Variants in DHX8 observed in about 807,000 individuals in gnomAD.
The protein encoded by DHX8 is DEAH-box helicase 8, also known as ATP-dependent RNA helicase DHX8.
Under a neutral mutation model 140.7 loss-of-function variants are expected in DHX8, and 67 were observed. The observed-to-expected ratio is 0.48, with a 90% CI of 0.39 to 0.58. The LOEUF is 0.58. DHX8 is among the 20% of genes least tolerant of loss of function. DHX8 has a pLI of 0.00. For synonymous variants in DHX8, 533 were observed against 553.2 expected (o/e 0.96, Z 0.51); for missense variants, 887 against 1,550.7 (o/e 0.57, Z 7.19).
chr17:43,489,469 G>A lies in DHX8; in HGVS notation c.169G>A (p.Ala57Thr). 6.2e-7 allele frequency: 1 copy of A among 1,612,536 alleles called. No individual in the cohort carries two copies. Among genetic ancestry groups the A allele is most frequent in the Non-Finnish European group, 8.5e-7 (1 of 1,178,966 alleles). The change falls in exon 2 of 23, where the codon GCT (alanine) becomes ACT (threonine). Residue 57 changes from alanine (A) to threonine (T), a missense_variant. Physicochemically the swap from Ala to Thr is moderately conservative, Grantham distance 58 (BLOSUM62 0). Coordinates refer to ENST00000262415, the MANE Select transcript of DHX8 (RefSeq NM_004941.3). ...KDLAEFVISL[A>T]EKNTTFDTFK... is the part of the protein sequence containing the mutation. ...TGCAGCTGAATTTGTGATCAGTCTTGCTGAGAAAAATACCACCTTTGATAC... is the reference window on the plus strand; with the variant it reads ...TGCAGCTGAATTTGTGATCAGTCTTACTGAGAAAAATACCACCTTTGATAC...
chr17:43,535,504 T>C (rs377741033), intron 2 of DHX8, among the ~76,000 whole-genome samples: 3 of 152,304 alleles, frequency 2.0e-5, no homozygotes, highest in African/African-American at 7.2e-5. Flanking sequence ...CTCAAACTCC[T>C]GACCTCATGT....
At chr17:43,533,392 G>A in intron 2 of DHX8, 1 of 1,569,736 alleles carries the variant, frequency 6.4e-7, no homozygotes, top group Non-Finnish European at 8.7e-7. Context: ...AGAGAAGCTG[G>A]AAAGCATCTT....
intron 9 of DHX8, among the ~76,000 whole-genome samples, chr17:43,498,394 G>A (rs1468866342): frequency 3.3e-5 from 5 of 151,572 alleles, no homozygotes; most frequent in African/African-American, 4.9e-5. Context: ...TGATCAGCCC[G>A]CCTTAGCCTC....
chr17:43,507,181 G>A lies in DHX8; in HGVS notation c.1907G>A (p.Cys636Tyr), dbSNP rs1427899618. The A allele has an allele frequency of 1.2e-6, 2 of 1,613,388 alleles. No homozygotes were observed. Among genetic ancestry groups the A allele is most frequent in the Non-Finnish European group, 1.7e-6 (2 of 1,179,678 alleles). ...VAKRVSEEFGCCLGQEVGYTI... is the reference protein window; with the variant it reads ...VAKRVSEEFGYCLGQEVGYTI... Reference sequence around the variant, plus strand: ...AAAAGAGTGTCAGAGGAGTTTGGTTGTTGCTTAGGCCAAGAGGTAAGTAGA... The same window carrying A: ...AAAAGAGTGTCAGAGGAGTTTGGTTATTGCTTAGGCCAAGAGGTAAGTAGA... Residue 636 changes from cysteine (C) to tyrosine (Y), a missense_variant, in exon 13 of 23, where the codon TGT (cysteine) becomes TAT (tyrosine). Coordinates refer to ENST00000262415, the MANE Select transcript of DHX8 (RefSeq NM_004941.3).
At chr17:43,511,396 A>T (rs1170245695) in intron 16 of DHX8, among the ~76,000 whole-genome samples, 1 of 147,416 alleles carries the variant, frequency 6.8e-6, no homozygotes, top group Non-Finnish European at 1.5e-5. Flanking sequence ...GCTGCTGTGA[A>T]CATTTGTTTA....
chr17:43,524,583 T>G lies in DHX8; in HGVS notation c.*736T>G. 1 of 985,552 alleles carries G rather than the reference T, an allele frequency of 1.0e-6. No homozygotes were observed. The highest frequency in any genetic ancestry group is 1.2e-6 in the Non-Finnish European group (1 of 830,046). The allele number at this position is 985,552 out of a possible 1,614,324, so 61.1% of individuals were successfully genotyped here. ...ATGTCCTCTCCACAGAGCACTTCAGTCTGGAGGCCTGAGTGGCTACAGATG... is the reference window on the plus strand; with the variant it reads ...ATGTCCTCTCCACAGAGCACTTCAGGCTGGAGGCCTGAGTGGCTACAGATG... On this transcript the variant is annotated 3_prime_UTR_variant, in exon 23 of 23. Coordinates refer to ENST00000262415, the MANE Select transcript of DHX8 (RefSeq NM_004941.3).
rs1365247210 is a variant in DHX8 at position 43,525,592 on chromosome 17, C to A, written c.*1745C>A. Reference sequence around the variant, plus strand: ...GACAGTACAGGGACCTCAAATGAAACCAAAGGGGAAACGGGGACTGGGCAC... The same window carrying A: ...GACAGTACAGGGACCTCAAATGAAAACAAAGGGGAAACGGGGACTGGGCAC... On this transcript the variant is annotated 3_prime_UTR_variant, in exon 23 of 23. Coordinates refer to ENST00000262415, the MANE Select transcript of DHX8 (RefSeq NM_004941.3). 1.0e-6 allele frequency: 1 copy of A among 985,374 alleles called. No homozygotes were observed. Among genetic ancestry groups the A allele is most frequent in the Non-Finnish European group, 1.2e-6 (1 of 830,038 alleles). 61.0% of individuals were successfully genotyped at this position (985,374 alleles called of 1,614,324 possible).
Position 43,492,873 on chromosome 17 carries a change from C to A in DHX8, c.696C>A (p.Pro232=). The A allele has an allele frequency of 1.2e-6, 2 of 1,614,204 alleles. No homozygotes were observed. Among genetic ancestry groups the A allele is most frequent in the Non-Finnish European group, 1.7e-6 (2 of 1,180,036 alleles). The change falls in exon 6 of 23, where the codon CCC becomes CCA. Residue 232 remains proline (P), a synonymous_variant. Coordinates refer to ENST00000262415, the MANE Select transcript of DHX8 (RefSeq NM_004941.3). ...CCAGGAGCAGGAGTCAGAGTCCCCCCAAAGACCGGAAGGACCGGGACAAAT... is the reference window on the plus strand; with the variant it reads ...CCAGGAGCAGGAGTCAGAGTCCCCCAAAAGACCGGAAGGACCGGGACAAAT... ...YRSRSRSQSP[P]KDRKDRDKYG...
intron 5 of DHX8, 58 bp downstream of exon 5, chr17:43,492,350 A>C: frequency 6.9e-7 from 1 of 1,457,026 alleles, no homozygotes; most frequent in South Asian, 1.2e-5. Flanking sequence ...GTTGAATATT[A>C]TGGACCAGCC....
At chr17:43,526,667 T>C (rs1031763831), downstream of DHX8, 2 of 1,527,170 alleles carry the variant, frequency 1.3e-6, no homozygotes, top group African/African-American at 2.7e-5. Flanking sequence ...GGATGCTGCT[T>C]CTCAGCTAAC....
intron 20 of DHX8, among the ~76,000 whole-genome samples, 179 bp downstream of exon 20, chr17:43,521,058 G>T (rs1970354301): frequency 1.3e-5 from 2 of 150,288 alleles, no homozygotes; most frequent in Admixed American, 1.3e-4. Flanking sequence ...TACCTCCCGG[G>T]TTCAAGCAGT....
intron 16 of DHX8, among the ~76,000 whole-genome samples, chr17:43,511,794 C>T (rs1969854446): frequency 1.4e-5 from 2 of 148,128 alleles, no homozygotes; most frequent in Non-Finnish European, 3.0e-5. Flanking sequence ...TGGGAGGATC[C>T]CTTGAGCCCA....
In DHX8 at chr17:43,507,424, G is replaced by T; in HGVS notation, c.1924-79G>T. ...GATTCTTAAGATTATGAGTGAGAGT[G>T]ACTGGGCTGAAATCTTGCCTGGTGA... On this transcript the variant is annotated intron_variant, in intron 13 of 22. Coordinates refer to ENST00000262415, the MANE Select transcript of DHX8 (RefSeq NM_004941.3). The T allele has an allele frequency of 2.2e-6, 3 of 1,356,434 alleles. No individual in the cohort carries two copies. In the South Asian group the frequency reaches 4.0e-5, roughly 18 times the overall value. The allele number at this position is 1,356,434 out of a possible 1,614,324, so 84.0% of individuals were successfully genotyped here.
rs548359672 is a variant in DHX8 at position 43,491,676 on chromosome 17, CAA to C, written c.393+427_393+428del. Among the ~76,000 whole-genome samples, 230 of 152,114 alleles carry C rather than the reference CAA, an allele frequency of 1.5e-3. 1 individual carries two copies. Among genetic ancestry groups the C allele is most frequent in the Non-Finnish European group, 2.3e-3 (153 of 67,986 alleles). Reference sequence around the variant, plus strand: ...GGATAACAGCAGTGAACAGAACAGACAAGAGTTTCAGCCTTTGGAGATTATAT... The same window carrying C: ...GGATAACAGCAGTGAACAGAACAGACGAGTTTCAGCCTTTGGAGATTATAT... On this transcript the variant is annotated intron_variant, in intron 4 of 22. Transcript: ENST00000262415.
At chr17:43,490,717 TA>T (rs1968465641) in intron 3 of DHX8, among the ~76,000 whole-genome samples, 1 of 151,818 alleles carries the variant, frequency 6.6e-6, no homozygotes. Context: ...TACAAAAAAA[TA>T]AAAAAATTAG....
intron 3 of DHX8, chr17:43,536,556 C>A: frequency 7.6e-7 from 1 of 1,309,734 alleles, no homozygotes; most frequent in East Asian, 2.3e-5. Context: ...TACAGCCCTG[C>A]AGATTAGCAA....
Position 43,491,339 on chromosome 17 carries a change from T to C in DHX8, c.393+89T>C. ...CATAGTAATTTTATTAATTTTAAGT[T>C]TGCCTTTGTTGTAACTTATTTTTAA... On this transcript the variant is annotated intron_variant, in intron 4 of 22. Transcript: ENST00000262415. 3 of 670,932 alleles carry C rather than the reference T, an allele frequency of 4.5e-6. No individual in the cohort carries two copies. The South Asian group carries it at 1.2e-4, about 27-fold the overall frequency. 41.6% of individuals were successfully genotyped at this position (670,932 alleles called of 1,614,324 possible).
chr17:43,524,654 C>T lies in DHX8; in HGVS notation c.*807C>T. The T allele has an allele frequency of 1.0e-6, 1 of 985,508 alleles. No homozygotes were observed. The highest frequency in any genetic ancestry group is 1.2e-6 in the Non-Finnish European group (1 of 829,972). The allele number at this position is 985,508 out of a possible 1,614,324, so 61.0% of individuals were successfully genotyped here. A position where few individuals can be genotyped will look rare whatever the true frequency, so the allele number is the denominator to read the frequency against. ...GTTTCCCCTTGCTCCCTCCACCTCCCACATTCGCAATGTGCAGCATGTCCC... is the reference window on the plus strand; with the variant it reads ...GTTTCCCCTTGCTCCCTCCACCTCCTACATTCGCAATGTGCAGCATGTCCC... On this transcript the variant is annotated 3_prime_UTR_variant, in exon 23 of 23. Coordinates refer to ENST00000262415, the MANE Select transcript of DHX8 (RefSeq NM_004941.3).
At position 43,517,658 on chromosome 17, in the gene DHX8, A is replaced by G. The variant is rs1019661427; in HGVS notation, c.2799+336A>G. The G allele has an allele frequency of 7.8e-5, 16 of 204,644 alleles. No homozygotes were observed. In the Admixed American group the frequency reaches 8.5e-4, roughly 11 times the overall value. The allele number at this position is 204,644 out of a possible 1,614,324, so 12.7% of individuals were successfully genotyped here. A position where few individuals can be genotyped will look rare whatever the true frequency, so the allele number is the denominator to read the frequency against. ...ACACACACCTAACCTCAACCACTTT[A>G]GCGCTCAGATCCAATTCTGTTCTTT... On this transcript the variant is annotated intron_variant, in intron 18 of 22. Transcript: ENST00000262415.
Sources: gnomAD v4.1 joint callset for allele counts (sites outside exome capture counted in the v4.1 genomes callset) on GRCh38, gnomAD v4.1.1 for gene constraint, MANE v1.5 for transcripts, NCBI Gene and HGNC (gene_info 2026-07-23, HGNC 2026-07-21) for gene names.